The following SEL1L variants were observed in gnomAD, a reference collection of about 807,000 sequenced individuals.
SEL1L encodes the protein SEL1L adaptor subunit of SYVN1 ubiquitin ligase, also known as protein sel-1 homolog 1.
Under a neutral mutation model 109.8 loss-of-function variants are expected in SEL1L, and 52 were observed. The observed-to-expected ratio is 0.47, with a 90% CI of 0.38 to 0.60. The LOEUF is 0.60. SEL1L is among the 20% of genes least tolerant of loss of function. SEL1L has a pLI of 0.00. For missense variants in SEL1L, 749 were observed against 962.2 expected, an observed-to-expected ratio of 0.78 and a Z score of 2.93; for synonymous variants, 373 against 339.6, an observed-to-expected ratio of 1.10 and a Z score of -1.08.
chr14:81,481,937 A>G (rs1903370317), intron 19 of SEL1L, among the ~76,000 whole-genome samples: 1 of 152,076 alleles, frequency 6.6e-6, no homozygotes, highest in Admixed American at 6.5e-5. Context: ...AGGCTGAGGC[A>G]GGAGAATCGC....
Position 81,526,853 on chromosome 14 carries a change from C to T in SEL1L, c.220G>A (p.Glu74Lys), listed in dbSNP as rs1885133281. 5 of 1,601,812 alleles carry T rather than the reference C, an allele frequency of 3.1e-6. No homozygotes were observed. In the African/African-American group the frequency reaches 4.0e-5, roughly 13 times the overall value. The change falls in exon 3 of 21, where the codon GAA becomes AAA. Residue 74 changes from glutamate to lysine, a missense_variant. Coordinates refer to ENST00000336735, the MANE Select transcript of SEL1L (RefSeq NM_005065.6). Reference sequence around the variant, plus strand: ...TGGCTCTTGAGGCTGTCTTCCTCTTCTTGAATAGAGGATTCTAATTCAGAT... The same window carrying T: ...TGGCTCTTGAGGCTGTCTTCCTCTTTTTGAATAGAGGATTCTAATTCAGAT... ...EESELESSIQEEEDSLKSQEG... is the reference protein window; with the variant it reads ...EESELESSIQKEEDSLKSQEG...
intron 19 of SEL1L, among the ~76,000 whole-genome samples, chr14:81,480,841 T>C (rs1335236937): frequency 6.6e-6 from 1 of 152,226 alleles, no homozygotes; most frequent in Non-Finnish European, 1.5e-5. Flanking sequence ...TAGGCCTGTA[T>C]GCACAGCAAC....
chr14:81,502,327 T>A (rs1473615258), intron 6 of SEL1L, among the ~76,000 whole-genome samples: 1 of 152,196 alleles, frequency 6.6e-6, no homozygotes, highest in Non-Finnish European at 1.5e-5. Context: ...TAGTTTCCTA[T>A]AATGGACATG....
chr14:81,490,489 G>GT (rs1278514875), intron 12 of SEL1L, 24 bp from the exon 13 acceptor site: 4 of 1,535,792 alleles, frequency 2.6e-6, no homozygotes, highest in Non-Finnish European at 2.7e-6. Context: ...CCCAATTTCA[G>GT]TAAGAGCTGT....
intron 8 of SEL1L, 196 bp downstream of exon 8, chr14:81,499,263 T>C (rs1883903449): frequency 8.0e-7 from 1 of 1,245,538 alleles, no homozygotes; most frequent in Non-Finnish European, 1.0e-6. Context: ...AGAAAAATTG[T>C]GGACTCCACC....
rs758757669 is a variant in SEL1L, at chr14:81,472,554, G to A, written c.*4418C>T. On this transcript the variant is annotated 3_prime_UTR_variant, in exon 21 of 21. Transcript: ENST00000336735. ...GTCTAAATGTTACTGTGTGGTACGT[G>A]TCTCTGCAAGTCCTCTTAAAAAATT... 6 of 448,202 alleles carry A rather than the reference G, an allele frequency of 1.3e-5. No homozygotes were observed. Among genetic ancestry groups the A allele is most frequent in the African/African-American group, 2.0e-5 (1 of 49,090 alleles). 27.8% of individuals were successfully genotyped at this position (448,202 alleles called of 1,614,324 possible). A position where few individuals can be genotyped will look rare whatever the true frequency, so the allele number is the denominator to read the frequency against.
At chr14:81,489,117 G>A in intron 14 of SEL1L, 135 bp downstream of exon 14, 1 of 762,640 alleles carries the variant, frequency 1.3e-6, no homozygotes, top group Non-Finnish European at 2.3e-6. Context: ...GACAAACTCA[G>A]ACAACAGAAA....
chr14:81,520,949 C>T (rs1308970906), intron 3 of SEL1L, among the ~76,000 whole-genome samples: 1 of 151,952 alleles, frequency 6.6e-6, no homozygotes, highest in Non-Finnish European at 1.5e-5. Context: ...TGGGCTGGAG[C>T]ACAGTCTAAT....
chr14:81,518,231 G>A (rs932570900), intron 3 of SEL1L, among the ~76,000 whole-genome samples: 4 of 151,716 alleles, frequency 2.6e-5, no homozygotes, highest in Non-Finnish European at 5.9e-5. Context: ...TCATGAGACT[G>A]ACTCAGCCCT....
chr14:81,511,002 T>C (rs1421800044), intron 3 of SEL1L, among the ~76,000 whole-genome samples: 6 of 152,212 alleles, frequency 3.9e-5, no homozygotes, highest in African/African-American at 9.7e-5. Flanking sequence ...GTAAGTGATA[T>C]AGGCCAAATG....
intron 4 of SEL1L, among the ~76,000 whole-genome samples, chr14:81,505,074 A>G (rs1884183834): frequency 6.6e-6 from 1 of 152,336 alleles, no homozygotes; most frequent in Admixed American, 6.5e-5. Flanking sequence ...GGTCAGCTAA[A>G]ATAAGGTCAA....
intron 6 of SEL1L, among the ~76,000 whole-genome samples, chr14:81,501,133 A>G (rs1433147423): frequency 6.6e-6 from 1 of 152,200 alleles, no homozygotes; most frequent in Non-Finnish European, 1.5e-5. Context: ...AGCCCCGTGT[A>G]GCAATCAGTG....
At chr14:81,507,661 TA>T (rs5810039) in intron 3 of SEL1L, among the ~76,000 whole-genome samples, 96,313 of 145,900 alleles carry the variant, frequency 0.66, 31,376 homozygotes, top group East Asian at 0.75. Context: ...CAGTTACAGC[TA>T]AAAAAAAAAA....
At chr14:81,479,471 G>A in intron 20 of SEL1L, 141 bp downstream of exon 20, 1 of 712,106 alleles carries the variant, frequency 1.4e-6, no homozygotes, top group Non-Finnish European at 2.1e-6. Context: ...AGGTCCTCGG[G>A]TACCTGAGCT....
At chr14:81,527,598 A>G (rs1164055828) in intron 2 of SEL1L, 103 bp downstream of exon 2, 4 of 746,612 alleles carry the variant, frequency 5.4e-6, no homozygotes, top group Non-Finnish European at 8.4e-6. Flanking sequence ...TTTTAATTCA[A>G]CTGTTACTCA....
intron 3 of SEL1L, among the ~76,000 whole-genome samples, chr14:81,522,865 A>G (rs1356551127): frequency 6.6e-6 from 1 of 152,172 alleles, no homozygotes; most frequent in Non-Finnish European, 1.5e-5. Context: ...GTTACGCTAC[A>G]TTGTTCAGGG....
Position 81,489,297 on chromosome 14 carries a change from C to T in SEL1L, c.1350G>A (p.Gln450=), listed in dbSNP as rs963490189. The T allele has an allele frequency of 6.8e-6, 11 of 1,614,046 alleles. No homozygotes were observed. Among genetic ancestry groups the T allele is most frequent in the Non-Finnish European group, 9.3e-6 (11 of 1,180,000 alleles). The change falls in exon 14 of 21, where the codon CAG becomes CAA. Residue 450 remains glutamine, a synonymous_variant. Coordinates refer to ENST00000336735, the MANE Select transcript of SEL1L (RefSeq NM_005065.6). ...AGAGGTAGGCCATTCCAAGCCCACT[C>T]TGTCCAACTGGGTTGCCCTGCAAAG... The part of the protein sequence containing the change: ...KAADMGNPVG[Q]SGLGMAYLYG...
In SEL1L at chr14:81,484,397, C is replaced by T; in HGVS notation, c.1874G>A (p.Gly625Asp). ...GAGCTTAATTCTAGCCACAGTATAGCCTTAAACAAAAGTTAAATGCAGAAC... is the reference window on the plus strand; with the variant it reads ...GAGCTTAATTCTAGCCACAGTATAGTCTTAAACAAAAGTTAAATGCAGAAC... ...LLHWNRAASQ[G>D]YTVARIKLGD... Residue 625 changes from glycine to aspartate, a missense_variant and splice_region_variant, in exon 19 of 21, where the codon GGC (glycine) becomes GAC (aspartate). This residue lies in a region of SEL1L where 383 missense variants were observed against 562.5 expected (regional missense o/e 0.68). Coordinates refer to ENST00000336735, the MANE Select transcript of SEL1L (RefSeq NM_005065.6). 2 of 1,604,530 alleles carry T rather than the reference C, an allele frequency of 1.2e-6. No homozygotes were observed. The highest frequency in any genetic ancestry group is 1.7e-6 in the Non-Finnish European group (2 of 1,172,394).
chr14:81,498,949 G>A, intron 8 of SEL1L: 2 of 250,672 alleles, frequency 8.0e-6, no homozygotes, highest in Non-Finnish European at 1.3e-5. Flanking sequence ...CAGAATAAAT[G>A]GGAAGACAGC....
Sources: gnomAD v4.1 joint callset for allele counts (sites outside exome capture counted in the v4.1 genomes callset) on GRCh38, gnomAD v4.1.1 for gene constraint, gnomAD v4.1.1 regional missense constraint, MANE v1.5 for transcripts, NCBI Gene and HGNC (gene_info 2026-07-23, HGNC 2026-07-21) for gene names.